The following TP53TG5 variants were observed in gnomAD, a reference collection of about 807,000 sequenced individuals.
TP53TG5 encodes TP53 target 5, also known as TP53-target gene 5 protein.
A neutral mutation model predicts 30.0 loss-of-function variants in TP53TG5; 17 were observed. The observed-to-expected ratio is 0.57, with a 90% confidence interval of 0.39 to 0.85. The LOEUF (loss-of-function observed/expected upper bound fraction) is 0.85, where lower values mean the gene tolerates loss of function less well. TP53TG5 is among the 40% of genes least tolerant of loss of function. The pLI is 0.00. For missense variants in TP53TG5, 338 were observed against 367.9 expected, an observed-to-expected ratio of 0.92 and a Z score of 0.67; for synonymous variants, 137 against 139.2, an observed-to-expected ratio of 0.98 and a Z score of 0.11.
At position 45,373,804 on chromosome 20, in the gene TP53TG5, G is replaced by T. The variant is rs930854561; in HGVS notation, c.*103C>A. Reference sequence around the variant, plus strand: ...GGGGGTGGGGGAAGCCTGAAGTCGCGACACAGGCTCCCTCTACCGAAGGCC... The same window carrying T: ...GGGGGTGGGGGAAGCCTGAAGTCGCTACACAGGCTCCCTCTACCGAAGGCC... On this transcript the variant is annotated 3_prime_UTR_variant, in exon 5 of 5. Coordinates refer to ENST00000372726, the MANE Select transcript of TP53TG5 (RefSeq NM_014477.3). 23 of 1,157,140 alleles carry T rather than the reference G, an allele frequency of 2.0e-5. No homozygotes were observed. The Admixed American group carries it at 3.8e-4, about 19-fold the overall frequency. 71.7% of individuals were successfully genotyped at this position (1,157,140 alleles called of 1,614,324 possible). A position where few individuals can be genotyped will look rare whatever the true frequency, so the allele number is the denominator to read the frequency against.
Position 45,373,934 on chromosome 20 carries a change from C to T in TP53TG5, c.846G>A (p.Gly282=). Residue 282 remains glycine (G), a synonymous_variant, in exon 5 of 5, where the codon GGG becomes GGA. Transcript: ENST00000372726. ...ATTTGTAGACTCGTGAATTTCGCCA[C>T]CCATTCCTCCCCTTCAGCTGATGGC... ...RSRHQLKGRN[G]WRNSRVYK 6.2e-7 allele frequency: 1 copy of T among 1,614,080 alleles called. No individual in the cohort carries two copies. The highest frequency in any genetic ancestry group is 8.5e-7 in the Non-Finnish European group (1 of 1,180,036).
In TP53TG5 at chr20:45,377,528, G is replaced by A. The variant is rs748849178; in HGVS notation, c.123+11C>T. ...GCTTCCCCAAGCTGGGGCCAAAACA[G>A]GGCGTCTCACCGTTCTCAGACGGTT... is the stretch of plus-strand genomic sequence containing the variant. On this transcript the variant is annotated intron_variant, in intron 2 of 4. Transcript: ENST00000372726. 1.3e-5 allele frequency: 21 copies of A among 1,613,684 alleles called. No homozygotes were observed. Among genetic ancestry groups the A allele is most frequent in the Middle Eastern group, 3.3e-4 (2 of 5,986 alleles).
At position 45,378,217 on chromosome 20, in the gene TP53TG5, T is replaced by G. The variant is rs1988790133; in HGVS notation, c.20A>C (p.Lys7Thr). The change falls in exon 1 of 5, where the codon AAG (lysine) becomes ACG (threonine). Residue 7 changes from lysine to threonine, a missense_variant. Lys to Thr is a moderately conservative substitution (Grantham distance 78). Transcript: ENST00000372726. Reference sequence around the variant, plus strand: ...GGAAACCCTGCTGTTCTTGGGCCTCTTCTTTGCTGATGGACTCATGCTGGG... The same window carrying G: ...GGAAACCCTGCTGTTCTTGGGCCTCGTCTTTGCTGATGGACTCATGCTGGG... MSPSAK[K>T]RPKNSRVSKM... 1.2e-6 allele frequency: 2 copies of G among 1,614,156 alleles called. No individual in the cohort carries two copies. Among genetic ancestry groups the G allele is most frequent in the Non-Finnish European group, 1.7e-6 (2 of 1,179,986 alleles).
intron 1 of TP53TG5, 49 bp from the exon 2 acceptor site, chr20:45,377,662 G>T: frequency 6.3e-7 from 1 of 1,576,550 alleles, no homozygotes; most frequent in Non-Finnish European, 8.7e-7. Context: ...AATCAGCCAG[G>T]TGTGGTGCCT....
chr20:45,376,557 C>G (rs1988740346), intron 3 of TP53TG5: 1 of 152,246 alleles, frequency 6.6e-6, no homozygotes, highest in African/African-American at 2.4e-5. Flanking sequence ...TATTTAACCT[C>G]TCAGAGCCTT....
At position 45,375,286 on chromosome 20, in the gene TP53TG5, C is replaced by T. The variant is rs529058630; in HGVS notation, c.521G>A (p.Gly174Glu). 4 of 1,614,114 alleles carry T rather than the reference C, an allele frequency of 2.5e-6. No homozygotes were observed. In the African/African-American group the frequency reaches 5.3e-5, roughly 22 times the overall value. Reference protein sequence around the residue: ...RDDSLNPGVQGRQPLTEGPRV... With the variant: ...RDDSLNPGVQERQPLTEGPRV... ...GGGGCCCTCGGTGAGTGGTTGCCTC[C>T]CCTGGACTCCAGGGTTCAAGCTATC... is the stretch of plus-strand genomic sequence containing the variant. Residue 174 changes from glycine (G) to glutamate (E), a missense_variant, in exon 4 of 5, where the codon GGG becomes GAG. Gly to Glu is a moderately conservative substitution (Grantham distance 98, BLOSUM62 -2). Transcript: ENST00000372726.
At chr20:45,374,358 G>A (rs932020969) in intron 4 of TP53TG5, 8 of 662,386 alleles carry the variant, frequency 1.2e-5, no homozygotes, top group African/African-American at 7.3e-5. Context: ...CTGCAGCCTC[G>A]ACTCCTGGGC....
Position 45,377,221 on chromosome 20 carries a change from A to T in TP53TG5, c.245T>A (p.Ile82Asn). 1 of 1,613,752 alleles carries T rather than the reference A, an allele frequency of 6.2e-7. No homozygotes were observed. The highest frequency in any genetic ancestry group is 8.5e-7 in the Non-Finnish European group (1 of 1,180,044). The change falls in exon 3 of 5, where the codon ATC (isoleucine) becomes AAC (asparagine). Residue 82 changes from isoleucine to asparagine, a missense_variant. Ile to Asn is a moderately radical substitution (Grantham distance 149, BLOSUM62 -3). Transcript: ENST00000372726. The stretch of plus-strand genomic sequence containing the variant: ...CCAGGCCCCAGCTTACCCAGAGGAG[A>T]TGCGGAGAATCTTTGGAACACTGAG... ...SLLSVPKILR[I>N]SSGENSACNK...
Position 45,373,786 on chromosome 20 carries a change from G to C in TP53TG5, c.*121C>G. 4 of 922,784 alleles carry C rather than the reference G, an allele frequency of 4.3e-6. No individual in the cohort carries two copies. In the South Asian group the frequency reaches 5.8e-5, roughly 13 times the overall value. The allele number at this position is 922,784 out of a possible 1,614,324, so 57.2% of individuals were successfully genotyped here. ...CCTTAGGGGCCTCGGGGTGGGGGTG[G>C]GGGAAGCCTGAAGTCGCGACACAGG... On this transcript the variant is annotated 3_prime_UTR_variant, in exon 5 of 5. Transcript: ENST00000372726.
At chr20:45,374,564 G>T (rs1988663996) in intron 4 of TP53TG5, 4 of 502,612 alleles carry the variant, frequency 8.0e-6, no homozygotes, top group Non-Finnish European at 1.4e-5. Context: ...GAGCCACCAT[G>T]CCTAGCCTGT....
chr20:45,374,227 T>C (rs928702040), intron 4 of TP53TG5: 2 of 686,106 alleles, frequency 2.9e-6, no homozygotes, highest in South Asian at 3.1e-5. Flanking sequence ...CTGCGGTATT[T>C]TCTTCTTTTT....
At position 45,375,552 on chromosome 20, in the gene TP53TG5, C is replaced by T; in HGVS notation, c.255G>A (p.Gly85=). 6.2e-7 allele frequency: 1 copy of T among 1,603,246 alleles called. No homozygotes were observed. Among genetic ancestry groups the T allele is most frequent in the East Asian group, 2.2e-5 (1 of 44,848 alleles). ...SVPKILRISS[G]ENSACNKTKQ... is the part of the protein sequence containing the mutation. ...TTGTTTTATTGCAGGCACTGTTTTC[C>T]CTGGCAGGGAGAGGAAAGGCAGTCA... Residue 85 remains glycine (G), a splice_region_variant and synonymous_variant, in exon 4 of 5, where the codon GGG becomes GGA. Coordinates refer to ENST00000372726, the MANE Select transcript of TP53TG5 (RefSeq NM_014477.3).
At position 45,373,453 on chromosome 20, in the gene TP53TG5, G is replaced by C; in HGVS notation, c.*454C>G. On this transcript the variant is annotated 3_prime_UTR_variant, in exon 5 of 5. Transcript: ENST00000372726. ...CACGCGCATGACCTACAGGGTGCTG[G>C]GGCTATTCCGCCTGCCTCGTGACTT... 4.6e-6 allele frequency: 1 copy of C among 215,134 alleles called. No homozygotes were observed. 13.3% of individuals were successfully genotyped at this position (215,134 alleles called of 1,614,324 possible).
chr20:45,377,500 T>A, intron 2 of TP53TG5, 39 bp downstream of exon 2: 1 of 1,610,712 alleles, frequency 6.2e-7, no homozygotes, highest in Non-Finnish European at 8.5e-7. Context: ...CATGAGTATA[T>A]GAGCTTCCCC....
intron 1 of TP53TG5, 135 bp from the exon 2 acceptor site, chr20:45,377,748 C>A: frequency 2.6e-6 from 2 of 754,838 alleles, no homozygotes; most frequent in Non-Finnish European, 4.5e-6. Context: ...GATGCCTGGC[C>A]AACATGGTGA....
chr20:45,377,183 T>A, intron 3 of TP53TG5, 29 bp downstream of exon 3: 1 of 1,611,048 alleles, frequency 6.2e-7, no homozygotes, highest in Non-Finnish European at 8.5e-7. Flanking sequence ...GGCATTTGGG[T>A]CCATTATGGG....
intron 3 of TP53TG5, chr20:45,375,800 T>G (rs1232595141): frequency 7.9e-6 from 4 of 506,218 alleles, no homozygotes; most frequent in Non-Finnish European, 1.4e-5. Flanking sequence ...GAATATTGTC[T>G]ACATCATCTG....
intron 4 of TP53TG5, chr20:45,374,775 G>C (rs534035903): frequency 1.9e-6 from 1 of 513,940 alleles, no homozygotes; most frequent in African/African-American, 1.9e-5. Flanking sequence ...AAGGCCTTCA[G>C]GCAGTGAGAT....
In TP53TG5 at chr20:45,375,472, G is replaced by A. The variant is rs753393226; in HGVS notation, c.335C>T (p.Ser112Phe). The change falls in exon 4 of 5, where the codon TCC becomes TTC. Residue 112 changes from serine to phenylalanine, a missense_variant. By Grantham distance (155) the Ser-to-Phe change is radical (BLOSUM62 -2). Transcript: ENST00000372726. ...GTCCCCTGTGGACTCTAATTTCTTG[G>A]ACTTGAGTTCCTTCTCGGAGCACCC... ...EIGCSEKELKSKKLESTGDPK... is the reference protein window; with the variant it reads ...EIGCSEKELKFKKLESTGDPK... 5 of 1,613,864 alleles carry A rather than the reference G, an allele frequency of 3.1e-6. No individual in the cohort carries two copies. The highest frequency in any genetic ancestry group is 4.5e-5 in the East Asian group (2 of 44,864).
Sources: allele counts gnomAD v4.1 joint callset, GRCh38; gene constraint gnomAD v4.1.1; transcripts MANE v1.5; gene names NCBI Gene and HGNC (gene_info 2026-07-23, HGNC 2026-07-21).